Variants in PATJ observed in about 807,000 individuals in gnomAD.
The protein encoded by PATJ is inaD-like protein.
In PATJ, 190 loss-of-function variants were observed where a neutral mutation model predicts 224.9. That is an observed-to-expected ratio of 0.84 (90% CI 0.75 to 0.95). The LOEUF (loss-of-function observed/expected upper bound fraction) is 0.95. Ranked by LOEUF, PATJ falls within the 40% of genes least tolerant of loss-of-function variation. The pLI, the probability that PATJ is intolerant of heterozygous loss-of-function variation, is 0.00. For synonymous variants in PATJ, 769 were observed against 820.3 expected (o/e 0.94, Z 1.07); for missense variants, 2,121 against 2,270.3 (o/e 0.93, Z 1.34).
rs1444772924 is a variant in PATJ, at chr1:62,029,954, G to A, written c.3960-8023G>A. ...CATAGAGGGAACTCATTGATGTTGGGTTATTTTCAGGCTCGGTTCCAGTGG... is the reference window on the plus strand; with the variant it reads ...CATAGAGGGAACTCATTGATGTTGGATTATTTTCAGGCTCGGTTCCAGTGG... On this transcript the variant is annotated intron_variant, in intron 29 of 43. Coordinates refer to ENST00000642238, the MANE Select transcript of PATJ (RefSeq NM_001350145.3). 2.0e-5 allele frequency among the ~76,000 whole-genome samples: 3 copies of A among 152,182 alleles called. No individual in the cohort carries two copies. In the South Asian group the frequency reaches 6.2e-4, roughly 32 times the overall value.
At chr1:61,897,592 G>A (rs1466976399) in intron 22 of PATJ, among the ~76,000 whole-genome samples, 1 of 152,154 alleles carries the variant, frequency 6.6e-6, no homozygotes, top group Admixed American at 6.6e-5. Context: ...AAGAAGGGGA[G>A]GGCATAGAGC....
chr1:61,965,166 C>G (rs773341299), intron 27 of PATJ, among the ~76,000 whole-genome samples: 2 of 102,816 alleles, frequency 1.9e-5, no homozygotes, highest in South Asian at 3.5e-4. Context: ...AAAAAAGGAG[C>G]CTTCATGTGT....
intron 31 of PATJ, among the ~76,000 whole-genome samples, chr1:62,066,631 G>A (rs540533809): frequency 7.2e-5 from 11 of 152,152 alleles, no homozygotes; most frequent in Non-Finnish European, 1.5e-4. Context: ...CCAGGAAAGG[G>A]CTTTTTAAGT....
chr1:61,806,446 C>T (rs999883727), intron 13 of PATJ, among the ~76,000 whole-genome samples: 20 of 151,684 alleles, frequency 1.3e-4, no homozygotes, highest in South Asian at 2.1e-4. Flanking sequence ...GGTGAAACCT[C>T]GTCTCTACTA....
At chr1:61,813,146 G>A (rs1314990777) in intron 14 of PATJ, among the ~76,000 whole-genome samples, 1 of 151,502 alleles carries the variant, frequency 6.6e-6, no homozygotes, top group Non-Finnish European at 1.5e-5. Context: ...CTAAGACCCT[G>A]AATCATCATG....
rs1667623091 is a variant in PATJ at position 62,142,693 on chromosome 1, A to AATT, written c.5272-5589_5272-5587dup. Among the ~76,000 whole-genome samples the AATT allele has an allele frequency of 2.0e-5, 3 of 152,156 alleles. 1 individual carries two copies. In the South Asian group the frequency reaches 6.2e-4, roughly 32 times the overall value. ...GTGCTATGGAGAGGAAAACAGGAGA[A>AATT]ATTAAACACGGATGGTCAAAGCAGG... On this transcript the variant is annotated intron_variant, in intron 41 of 43. Coordinates refer to ENST00000642238, the MANE Select transcript of PATJ (RefSeq NM_001350145.3).
At chr1:61,764,621 G>T (rs1281109786) in intron 3 of PATJ, among the ~76,000 whole-genome samples, 3 of 152,078 alleles carry the variant, frequency 2.0e-5, no homozygotes, top group Non-Finnish European at 2.9e-5. Flanking sequence ...GCACAGTTAA[G>T]TGAAAATTTA....
In PATJ at chr1:62,024,754, G is replaced by A. The variant is rs549451653; in HGVS notation, c.3959+6807G>A. ...ATCTAGATGCCTGTCTCCCTCTGTG[G>A]AAGGTGAAGGAGCCAATTCTTTCTC... is the stretch of plus-strand genomic sequence containing the variant. On this transcript the variant is annotated intron_variant, in intron 29 of 43. Transcript: ENST00000642238. Among the ~76,000 whole-genome samples, 16 of 151,288 alleles carry A rather than the reference G, an allele frequency of 1.1e-4. No homozygotes were observed. The South Asian group carries it at 2.9e-3, about 28-fold the overall frequency.
At chr1:61,940,633 T>C (rs2149342461) in intron 27 of PATJ, among the ~76,000 whole-genome samples, 1 of 151,596 alleles carries the variant, frequency 6.6e-6, no homozygotes, top group South Asian at 2.1e-4. Context: ...GGAGGATCAC[T>C]TGAACCCGGG....
chr1:62,090,228 T>A (rs1353443118), intron 33 of PATJ, among the ~76,000 whole-genome samples: 1 of 152,216 alleles, frequency 6.6e-6, no homozygotes, highest in East Asian at 1.9e-4. Flanking sequence ...CAATCCTCAA[T>A]GACAGACTTC....
intron 29 of PATJ, among the ~76,000 whole-genome samples, chr1:62,020,304 T>C (rs1259812237): frequency 3.3e-5 from 5 of 152,204 alleles, no homozygotes; most frequent in African/African-American, 1.2e-4. Flanking sequence ...TAAATGTACA[T>C]TTAGTACGTA....
intron 14 of PATJ, among the ~76,000 whole-genome samples, chr1:61,818,319 T>C (rs1332247876): frequency 6.6e-6 from 1 of 152,200 alleles, no homozygotes; most frequent in Non-Finnish European, 1.5e-5. Context: ...TTTGTCAGTT[T>C]AAATAGAACC....
intron 8 of PATJ, among the ~76,000 whole-genome samples, chr1:61,788,954 G>A (rs567149052): frequency 0.12 from 671 of 5,652 alleles, 5 homozygotes; most frequent in Middle Eastern, 0.2. Flanking sequence ...GATTACAGGC[G>A]TGAGCCACCA....
intron 35 of PATJ, 69 bp from the exon 36 acceptor site, chr1:62,116,461 TCA>T (rs763060813): frequency 2.3e-5 from 35 of 1,505,924 alleles, no homozygotes; most frequent in Admixed American, 5.6e-5. Context: ...GTGCATCCTG[TCA>T]CACACACACG....
At chr1:61,895,106 T>C (rs939611004) in intron 22 of PATJ, among the ~76,000 whole-genome samples, 8 of 152,168 alleles carry the variant, frequency 5.3e-5, no homozygotes, top group African/African-American at 1.4e-4. Flanking sequence ...CAGCAAAGCA[T>C]TGAAGAGGTG....
intron 16 of PATJ, among the ~76,000 whole-genome samples, chr1:61,830,050 C>T (rs906116401): frequency 1.3e-5 from 2 of 152,166 alleles, no homozygotes; most frequent in Admixed American, 6.6e-5. Flanking sequence ...TTATTGACCA[C>T]CCGTGTCTTG....
At chr1:61,769,446 T>G (rs1200815138) in intron 5 of PATJ, 24 bp downstream of exon 5, 2 of 1,602,076 alleles carry the variant, frequency 1.2e-6, no homozygotes, top group Non-Finnish European at 1.7e-6. Context: ...TTATTTTCAT[T>G]TTGCTAATTG....
At chr1:61,812,202 T>G (rs1654913771) in intron 14 of PATJ, among the ~76,000 whole-genome samples, 1 of 152,152 alleles carries the variant, frequency 6.6e-6, no homozygotes, top group Non-Finnish European at 1.5e-5. Context: ...TGTCATTCGA[T>G]GTTTTGTCTT....
At chr1:61,966,367 C>T (rs1682145624) in intron 27 of PATJ, among the ~76,000 whole-genome samples, 2 of 152,128 alleles carry the variant, frequency 1.3e-5, no homozygotes, top group South Asian at 4.1e-4. Context: ...GGATCTCGCG[C>T]CAAGGCGAGT....
Sources: gnomAD v4.1 joint callset for allele counts (sites outside exome capture counted in the v4.1 genomes callset) on GRCh38, gnomAD v4.1.1 for gene constraint, MANE v1.5 for transcripts, NCBI Gene and HGNC (gene_info 2026-07-23, HGNC 2026-07-21) for gene names.